CDH18: variants seen among roughly 807,000 people sequenced by gnomAD.
CDH18 encodes cadherin 18, also known as cadherin-18.
A neutral mutation model predicts 67.9 loss-of-function variants in CDH18; 31 were observed. That is an observed-to-expected ratio of 0.46 (90% confidence interval 0.34 to 0.62). CDH18 has a LOEUF of 0.62. Ranked by LOEUF, CDH18 falls within the 20% of genes least tolerant of loss-of-function variation. CDH18 has a pLI of 0.01. For missense variants in CDH18, 890 were observed against 975.5 expected (o/e 0.91, Z 1.17); for synonymous variants, 362 against 347.2 (o/e 1.04, Z -0.48).
chr5:19,845,768 C>A (rs911240985), intron 2 of CDH18, among the ~76,000 whole-genome samples: 2 of 151,642 alleles, frequency 1.3e-5, no homozygotes, highest in African/African-American at 4.8e-5. Flanking sequence ...TTATTTGTCT[C>A]TTCCTACAGT....
chr5:19,875,430 A>AGATAGATG (rs1379533796), intron 2 of CDH18, among the ~76,000 whole-genome samples: 2 of 149,976 alleles, frequency 1.3e-5, no homozygotes, highest in Non-Finnish European at 2.9e-5. Flanking sequence ...ATAGATAGAT[A>AGATAGATG]GATAGATAGA....
At chr5:20,428,915 G>C (rs1420798983) in intron 1 of CDH18, among the ~76,000 whole-genome samples, 1 of 152,132 alleles carries the variant, frequency 6.6e-6, no homozygotes, top group Non-Finnish European at 1.5e-5. Flanking sequence ...CCATCATCCA[G>C]ATGGTAACAG....
chr5:20,511,740 T>C (rs1281713791), intron 1 of CDH18, among the ~76,000 whole-genome samples: 1 of 152,206 alleles, frequency 6.6e-6, no homozygotes, highest in Non-Finnish European at 1.5e-5. Flanking sequence ...GTGGACCTCC[T>C]TGTCTCATTC....
intron 1 of CDH18, among the ~76,000 whole-genome samples, chr5:20,342,430 G>T (rs1580795452): frequency 6.6e-6 from 1 of 152,124 alleles, no homozygotes; most frequent in African/African-American, 2.4e-5. Context: ...CTCCCCTGAG[G>T]CAGCTGCCAG....
At chr5:20,190,054 A>G (rs1306582683) in intron 2 of CDH18, among the ~76,000 whole-genome samples, 1 of 152,134 alleles carries the variant, frequency 6.6e-6, no homozygotes, top group Non-Finnish European at 1.5e-5. Context: ...GAGCTTCTGC[A>G]GCAGCAGACC....
intron 2 of CDH18, among the ~76,000 whole-genome samples, chr5:19,929,069 C>T (rs1384547802): frequency 6.6e-6 from 1 of 151,908 alleles, no homozygotes; most frequent in East Asian, 1.9e-4. Flanking sequence ...ATACTGTAAA[C>T]AAAATTTTCT....
At chr5:20,534,320 T>C (rs1024853508) in intron 1 of CDH18, among the ~76,000 whole-genome samples, 1 of 152,104 alleles carries the variant, frequency 6.6e-6, no homozygotes, top group Non-Finnish European at 1.5e-5. Context: ...ATTATTTGAT[T>C]AAATATAGCT....
At chr5:20,364,991 T>C (rs950299151) in intron 1 of CDH18, among the ~76,000 whole-genome samples, 2 of 152,214 alleles carry the variant, frequency 1.3e-5, no homozygotes, top group Non-Finnish European at 2.9e-5. Flanking sequence ...GAGTAGGGTT[T>C]ATAAATGTAT....
At chr5:19,520,256 C>T (rs1265332147) in intron 10 of CDH18, among the ~76,000 whole-genome samples, 2 of 152,130 alleles carry the variant, frequency 1.3e-5, no homozygotes, top group African/African-American at 2.4e-5. Context: ...CAGCATCACT[C>T]AATCATCATT....
intron 2 of CDH18, among the ~76,000 whole-genome samples, chr5:19,875,225 T>C (rs1429823384): frequency 6.6e-6 from 1 of 152,170 alleles, no homozygotes; most frequent in Non-Finnish European, 1.5e-5. Context: ...GCGTTTGATA[T>C]TTTGACCTAA....
intron 1 of CDH18, among the ~76,000 whole-genome samples, chr5:20,299,447 C>T (rs868560142): frequency 8.6e-6 from 1 of 115,626 alleles, no homozygotes; most frequent in African/African-American, 3.0e-5. Flanking sequence ...CACACACACA[C>T]ACAAAATGAG....
At chr5:20,573,894 AATATATAT>A (rs1228423094) in intron 1 of CDH18, among the ~76,000 whole-genome samples, 1 of 123,570 alleles carries the variant, frequency 8.1e-6, no homozygotes, top group Non-Finnish European at 1.6e-5. Flanking sequence ...ATATAAAAGA[AATATATAT>A]ATGTATTTAT....
chr5:19,615,751 T>C (rs1749718061), intron 5 of CDH18, among the ~76,000 whole-genome samples: 1 of 152,234 alleles, frequency 6.6e-6, no homozygotes, highest in Non-Finnish European at 1.5e-5. Context: ...TCCATAGTTT[T>C]GCCTATTTCA....
intron 1 of CDH18, among the ~76,000 whole-genome samples, chr5:20,352,840 T>A (rs573564184): frequency 6.6e-6 from 1 of 152,096 alleles, no homozygotes; most frequent in South Asian, 2.1e-4. Flanking sequence ...TTTTCATTGA[T>A]GACACTGATG....
intron 3 of CDH18, among the ~76,000 whole-genome samples, chr5:19,818,144 A>G (rs1427102347): frequency 6.6e-6 from 1 of 152,112 alleles, no homozygotes; most frequent in East Asian, 1.9e-4. Context: ...AAACTTTATA[A>G]TATACTTCAA....
chr5:19,578,969 T>TG (rs1742770237), intron 7 of CDH18, among the ~76,000 whole-genome samples: 2 of 152,036 alleles, frequency 1.3e-5, no homozygotes, highest in African/African-American at 2.4e-5. Flanking sequence ...AGTCCTTTAA[T>TG]GAGATAGTCT....
At chr5:19,995,423 T>G (rs1177070273) in intron 2 of CDH18, among the ~76,000 whole-genome samples, 1 of 152,036 alleles carries the variant, frequency 6.6e-6, no homozygotes, top group Non-Finnish European at 1.5e-5. Flanking sequence ...AATGTCTTAA[T>G]GCAGCTAGGT....
At chr5:20,456,731 T>C (rs1561021175) in intron 1 of CDH18, among the ~76,000 whole-genome samples, 2 of 152,138 alleles carry the variant, frequency 1.3e-5, no homozygotes, top group African/African-American at 4.8e-5. Flanking sequence ...ATAAATGCCA[T>C]ATTTTTTTTA....
At chr5:20,387,634 C>T in intron 1 of CDH18, among the ~76,000 whole-genome samples, 1 of 151,996 alleles carries the variant, frequency 6.6e-6, no homozygotes, top group Non-Finnish European at 1.5e-5. Flanking sequence ...GAGGGCATCC[C>T]TGTCTTGTGC....
Sources: allele counts gnomAD v4.1 joint callset (sites outside exome capture counted in the v4.1 genomes callset), GRCh38; gene constraint gnomAD v4.1.1; transcripts MANE v1.5; gene names NCBI Gene and HGNC (gene_info 2026-07-23, HGNC 2026-07-21).